MALRD1: variants seen among roughly 807,000 people sequenced by gnomAD.
The protein encoded by MALRD1 is MAM and LDL-receptor class A domain-containing protein 1.
In MALRD1, 247 loss-of-function variants were observed where a neutral mutation model predicts 242.1. That is an observed-to-expected ratio of 1.02 (90% CI 0.92 to 1.13). MALRD1 has a LOEUF of 1.13. Ranked by LOEUF, MALRD1 falls within the 50% of genes most tolerant of loss-of-function variation. The probability of loss-of-function intolerance (pLI) is 0.00; values close to 1 mark genes in which losing one functional copy is unlikely to be tolerated. For missense variants in MALRD1, 2,989 were observed against 2,533.1 expected, an observed-to-expected ratio of 1.18 and a Z score of -3.86; for synonymous variants, 995 against 866.6, an observed-to-expected ratio of 1.15 and a Z score of -2.60.
chr10:19,052,804 C>T (rs984748361), intron 1 of MALRD1, among the ~76,000 whole-genome samples: 1 of 152,112 alleles, frequency 6.6e-6, no homozygotes, highest in Non-Finnish European at 1.5e-5. Flanking sequence ...AGGTTGTAAC[C>T]CCTCTACTCC....
At chr10:19,237,529 T>G (rs1458282861) in intron 18 of MALRD1, among the ~76,000 whole-genome samples, 4 of 134,640 alleles carry the variant, frequency 3.0e-5, no homozygotes, top group Admixed American at 8.4e-5. Flanking sequence ...TATATATATA[T>G]ATATATAATT....
In MALRD1 at chr10:19,310,207, A is replaced by G. The variant is rs138398294; in HGVS notation, c.3420-13742A>G. Among the ~76,000 whole-genome samples, 117 of 151,550 alleles carry G rather than the reference A, an allele frequency of 7.7e-4. 1 individual carries two copies. The highest frequency in any genetic ancestry group is 2.7e-3 in the African/African-American group (111 of 41,426). On this transcript the variant is annotated intron_variant, in intron 21 of 39. Transcript: ENST00000454679. ...ATAAAAGAGACAGGAAATGAAGGAA[A>G]GGATGTGCTTAGATTTGCTTTTTTA...
chr10:19,392,309 C>G (rs776913616), intron 28 of MALRD1, among the ~76,000 whole-genome samples: 1 of 152,118 alleles, frequency 6.6e-6, no homozygotes, highest in Non-Finnish European at 1.5e-5. Flanking sequence ...GAACCTGAAT[C>G]CAAGTATGTC....
intron 12 of MALRD1, among the ~76,000 whole-genome samples, chr10:19,158,190 T>A (rs555394242): frequency 1.3e-5 from 2 of 152,304 alleles, no homozygotes; most frequent in Admixed American, 1.3e-4. Context: ...ATTTTCTGAG[T>A]TTTCATATTT....
chr10:19,293,341 A>T (rs959532628), intron 21 of MALRD1, among the ~76,000 whole-genome samples: 3 of 152,188 alleles, frequency 2.0e-5, no homozygotes, highest in African/African-American at 7.2e-5. Flanking sequence ...AACTGTTTTG[A>T]TACTTGTTGT....
At chr10:19,584,584 G>C (rs1358293817) in intron 33 of MALRD1, among the ~76,000 whole-genome samples, 72 of 142,452 alleles carry the variant, frequency 5.1e-4, no homozygotes, top group African/African-American at 7.0e-4. Flanking sequence ...ACTGTGGTCT[G>C]AGAGATAGTT....
chr10:19,339,767 T>C (rs925126400), intron 24 of MALRD1, among the ~76,000 whole-genome samples: 4 of 152,198 alleles, frequency 2.6e-5, no homozygotes, highest in African/African-American at 9.6e-5. Context: ...TTCTAAATTT[T>C]GTAGGTACAT....
intron 14 of MALRD1, among the ~76,000 whole-genome samples, chr10:19,184,723 T>A (rs749820852): frequency 1.3e-5 from 2 of 152,116 alleles, no homozygotes; most frequent in Non-Finnish European, 2.9e-5. Context: ...AATTTTTGTA[T>A]TTTTAGTGGA....
chr10:19,674,555 C>T (rs1370932216), intron 36 of MALRD1, among the ~76,000 whole-genome samples: 2 of 152,112 alleles, frequency 1.3e-5, no homozygotes, highest in Admixed American at 1.3e-4. Flanking sequence ...CTAATTTCAA[C>T]ATTCCCATTT....
chr10:19,563,949 G>C (rs541027988), intron 32 of MALRD1, among the ~76,000 whole-genome samples: 1 of 152,214 alleles, frequency 6.6e-6, no homozygotes, highest in South Asian at 2.1e-4. Context: ...CTCCGGCACT[G>C]TCTCTCTTTT....
chr10:19,731,600 C>G (rs2131943819), intron 39 of MALRD1, among the ~76,000 whole-genome samples: 1 of 151,962 alleles, frequency 6.6e-6, no homozygotes, highest in East Asian at 1.9e-4. Context: ...CATTAGATCC[C>G]CAGAATTTAT....
intron 33 of MALRD1, among the ~76,000 whole-genome samples, chr10:19,585,280 G>C (rs887154090): frequency 6.6e-6 from 1 of 150,970 alleles, no homozygotes; most frequent in Non-Finnish European, 1.5e-5. Context: ...GATGTTAGCT[G>C]GTTATTTTGT....
rs183041429 is a variant in MALRD1 at position 19,396,646 on chromosome 10, A to G, written c.4845+7037A>G. ...TTAACCACTATACTCAACTTCTGCT[A>G]TTAGAATTTAAAATATTCTAATACT... is the stretch of plus-strand genomic sequence containing the variant. On this transcript the variant is annotated intron_variant, in intron 28 of 39. Coordinates refer to ENST00000454679, the MANE Select transcript of MALRD1 (RefSeq NM_001142308.3). 1.1e-3 allele frequency among the ~76,000 whole-genome samples: 171 copies of G among 152,340 alleles called. 1 individual carries two copies. The highest frequency in any genetic ancestry group is 1.3e-3 in the Non-Finnish European group (87 of 68,028).
chr10:19,593,774 A>G (rs1372020918), intron 33 of MALRD1, among the ~76,000 whole-genome samples: 1 of 152,214 alleles, frequency 6.6e-6, no homozygotes, highest in African/African-American at 2.4e-5. Context: ...GAAACGTTTC[A>G]TGTAACAAAA....
intron 33 of MALRD1, among the ~76,000 whole-genome samples, chr10:19,586,046 G>A (rs61841430): frequency 0.014 from 2,182 of 152,100 alleles, 22 homozygotes; most frequent in Middle Eastern, 0.031. Flanking sequence ...CATTCTTCAC[G>A]TAGTTTTCGA....
At chr10:19,657,431 T>A (rs1841207221) in intron 36 of MALRD1, among the ~76,000 whole-genome samples, 1 of 152,078 alleles carries the variant, frequency 6.6e-6, no homozygotes, top group Admixed American at 6.6e-5. Context: ...GGGGTCCACA[T>A]CAGGGGCATC....
At chr10:19,327,098 A>G (rs1043358315) in intron 22 of MALRD1, among the ~76,000 whole-genome samples, 1 of 152,112 alleles carries the variant, frequency 6.6e-6, no homozygotes, top group Non-Finnish European at 1.5e-5. Context: ...CATCTTACCC[A>G]TCTGTGCGCT....
chr10:19,605,031 C>T lies in MALRD1; in HGVS notation c.5945-2746C>T, dbSNP rs970373775. The stretch of plus-strand genomic sequence containing the variant: ...ATTATTTCCTAGTTTACTTGGTTTG[C>T]AATGTAATTTATCTTGTCTATGTAT... On this transcript the variant is annotated intron_variant, in intron 34 of 39. Transcript: ENST00000454679. Among the ~76,000 whole-genome samples the T allele has an allele frequency of 2.0e-5, 3 of 152,154 alleles. No individual in the cohort carries two copies. The South Asian group carries it at 6.2e-4, about 32-fold the overall frequency.
chr10:19,352,041 T>TG lies in MALRD1; in HGVS notation c.4189dup (p.Ala1397GlyfsTer18). The TG allele has an allele frequency of 6.5e-7, 1 of 1,550,208 alleles. No homozygotes were observed. Among genetic ancestry groups the TG allele is most frequent in the South Asian group, 1.2e-5 (1 of 84,052 alleles). ...ATTATCACATGTATGGAAATGGCATTGGGGCACTCACCTTAATGCAGGTGT... is the reference window on the plus strand; with the variant it reads ...ATTATCACATGTATGGAAATGGCATTGGGGGCACTCACCTTAATGCAGGTGT... On this transcript the variant is annotated frameshift_variant, in exon 26 of 40. Transcript: ENST00000454679. LOFTEE classifies it high-confidence loss of function.
Sources: allele counts gnomAD v4.1 joint callset (sites outside exome capture counted in the v4.1 genomes callset), GRCh38; gene constraint gnomAD v4.1.1; transcripts MANE v1.5; gene names NCBI Gene and HGNC (gene_info 2026-07-23, HGNC 2026-07-21).